Variants in TET2 observed in about 807,000 individuals in gnomAD.
TET2 encodes the protein methylcytosine dioxygenase TET2.
In TET2, 299 loss-of-function variants were observed where a neutral mutation model predicts 142.9. That is an observed-to-expected ratio of 2.09 (90% CI 1.90 to 2.30). TET2 has a LOEUF of 2.30. TET2 is among the 30% of genes most tolerant of loss of function. The pLI, the probability that TET2 is intolerant of heterozygous loss-of-function variation, is 0.00. For missense variants in TET2, 2,418 were observed against 2,378.0 expected, an observed-to-expected ratio of 1.02 and a Z score of -0.35; for synonymous variants, 819 against 849.0, an observed-to-expected ratio of 0.96 and a Z score of 0.61.
chr4:105,193,706 G>A (rs988808149), intron 2 of TET2, among the ~76,000 whole-genome samples: 3 of 152,124 alleles, frequency 2.0e-5, no homozygotes, highest in Admixed American at 6.5e-5. Context: ...GATTAATTAC[G>A]TGTTGGTATT....
chr4:105,191,271 T>A (rs893653315), intron 2 of TET2, among the ~76,000 whole-genome samples: 1 of 152,178 alleles, frequency 6.6e-6, no homozygotes, highest in Non-Finnish European at 1.5e-5. Context: ...TTAATAAAAA[T>A]CAATTTGCTC....
chr4:105,226,151 C>A (rs1209749458), intron 2 of TET2, among the ~76,000 whole-genome samples: 1 of 151,978 alleles, frequency 6.6e-6, no homozygotes, highest in African/African-American at 2.4e-5. Flanking sequence ...ACAAAACTTA[C>A]TCCTTTAATT....
At position 105,229,492 on chromosome 4, in the gene TET2, G is replaced by C. The variant is rs558342255; in HGVS notation, c.-46-4405G>C. On this transcript the variant is annotated intron_variant, in intron 2 of 10. Transcript: ENST00000380013. ...TGCCCAGCTACTTTTTGTATTTTTA[G>C]TAGTGGCGGTGTTTGACCACGTTGG... Among the ~76,000 whole-genome samples, 10 of 152,148 alleles carry C rather than the reference G, an allele frequency of 6.6e-5. No homozygotes were observed. The East Asian group carries it at 1.9e-3, about 29-fold the overall frequency.
At chr4:105,201,428 G>C (rs1726458574) in intron 2 of TET2, among the ~76,000 whole-genome samples, 1 of 152,108 alleles carries the variant, frequency 6.6e-6, no homozygotes, top group Non-Finnish European at 1.5e-5. Context: ...AATACAATAG[G>C]GGGTGCATTT....
chr4:105,166,570 GATT>G (rs1444906071), intron 1 of TET2, among the ~76,000 whole-genome samples: 1 of 149,466 alleles, frequency 6.7e-6, no homozygotes, highest in East Asian at 2.0e-4. Flanking sequence ...CTTTGTATTT[GATT>G]ATTATTTTTC....
chr4:105,160,019 T>G (rs545727359), intron 1 of TET2, among the ~76,000 whole-genome samples: 1 of 151,992 alleles, frequency 6.6e-6, no homozygotes, highest in Non-Finnish European at 1.5e-5. Flanking sequence ...AAAAAAAATC[T>G]TGATATTTGT....
rs755826909 is a variant in TET2, at chr4:105,236,809, T to C, written c.2867T>C (p.Leu956Pro). 1 of 1,614,090 alleles carries C rather than the reference T, an allele frequency of 6.2e-7. No individual in the cohort carries two copies. Among genetic ancestry groups the C allele is most frequent in the East Asian group, 2.2e-5 (1 of 44,876 alleles). The change falls in exon 3 of 11, where the codon CTC becomes CCC. Residue 956 changes from leucine (L) to proline (P), a missense_variant. Coordinates refer to ENST00000380013, the MANE Select transcript of TET2 (RefSeq NM_001127208.3). ...TQKHAALRWH[L>P]LQKQEQQQTQ... ...AAGCATGCTGCTCTAAGGTGGCATCTCTTACAGAAGCAAGAACAGCAGCAA... is the reference window on the plus strand; with the variant it reads ...AAGCATGCTGCTCTAAGGTGGCATCCCTTACAGAAGCAAGAACAGCAGCAA...
At chr4:105,231,463 C>A (rs1164984467) in intron 2 of TET2, among the ~76,000 whole-genome samples, 16 of 152,044 alleles carry the variant, frequency 1.1e-4, no homozygotes, top group Admixed American at 1.0e-3. Context: ...GTATTTTATT[C>A]CAGTAAAACT....
At chr4:105,153,826 G>T (rs1723432247) in intron 1 of TET2, among the ~76,000 whole-genome samples, 2 of 152,194 alleles carry the variant, frequency 1.3e-5, no homozygotes, top group South Asian at 4.1e-4. Context: ...GATTTAAAAT[G>T]CATACAGTTG....
chr4:105,261,769 T>G lies in TET2; in HGVS notation c.3965T>G (p.Leu1322Arg), dbSNP rs551797762. The change falls in exon 8 of 11, where the codon CTG becomes CGG. Residue 1322 changes from leucine to arginine, a missense_variant. Leu to Arg is a moderately radical substitution (Grantham distance 102). Transcript: ENST00000380013. Reference protein sequence around the residue: ...LGDDPKEEEKLESHLQNLSTL... With the variant: ...LGDDPKEEEKRESHLQNLSTL... ...ATTCACTTTATACAGGAAGAGAAACTGGAGTCTCATTTGCAAAACCTGTCC... is the reference window on the plus strand; with the variant it reads ...ATTCACTTTATACAGGAAGAGAAACGGGAGTCTCATTTGCAAAACCTGTCC... 1 of 1,545,060 alleles carries G rather than the reference T, an allele frequency of 6.5e-7. No individual in the cohort carries two copies. The highest frequency in any genetic ancestry group is 8.8e-7 in the Non-Finnish European group (1 of 1,141,920).
chr4:105,179,097 A>G (rs1166634006), intron 1 of TET2, among the ~76,000 whole-genome samples: 1 of 152,238 alleles, frequency 6.6e-6, no homozygotes, highest in Non-Finnish European at 1.5e-5. Flanking sequence ...AACTGCCCCC[A>G]TGATCCAATT....
chr4:105,240,081 G>A (rs1211820892), intron 3 of TET2: 2 of 234,716 alleles, frequency 8.5e-6, no homozygotes, highest in African/African-American at 4.5e-5. Flanking sequence ...CCAAAAATTA[G>A]AATAGTAACA....
intron 5 of TET2, among the ~76,000 whole-genome samples, chr4:105,243,193 T>C (rs1729399189): frequency 2.0e-5 from 3 of 152,238 alleles, no homozygotes; most frequent in African/African-American, 4.8e-5. Flanking sequence ...AATGTGAAGT[T>C]GTCCTTAAAC....
chr4:105,169,444 A>T (rs967542633), intron 1 of TET2, among the ~76,000 whole-genome samples: 2 of 151,694 alleles, frequency 1.3e-5, no homozygotes, highest in African/African-American at 4.8e-5. Context: ...TTTCCTTGCT[A>T]ATTTGTTGGA....
At chr4:105,241,835 C>G in intron 4 of TET2, 5 of 1,247,946 alleles carry the variant, frequency 4.0e-6, no homozygotes, top group Non-Finnish European at 5.1e-6. Context: ...TTAAATTCAC[C>G]TAGTGTTGCA....
rs547423401 is a variant in TET2, at chr4:105,235,838, A to G, written c.1896A>G (p.Gln632=). The change falls in exon 3 of 11, where the codon CAA becomes CAG. Residue 632 remains glutamine, a synonymous_variant. Transcript: ENST00000380013. ...CAACACAGCTGGAGCACAAGTCACA[A>G]ATGTACCAAGTTGAAATGAATCAAG... The part of the protein sequence containing the change: ...QKTTQLEHKS[Q]MYQVEMNQGQ... 4 of 1,614,010 alleles carry G rather than the reference A, an allele frequency of 2.5e-6. No homozygotes were observed. Among genetic ancestry groups the G allele is most frequent in the East Asian group, 2.2e-5 (1 of 44,826 alleles).
chr4:105,263,345 T>A lies in TET2; in HGVS notation c.4044+1497T>A, dbSNP rs551265527. On this transcript the variant is annotated intron_variant, in intron 8 of 10. Coordinates refer to ENST00000380013, the MANE Select transcript of TET2 (RefSeq NM_001127208.3). ...CCAAGTAAGGGAAATATAACTTAAA[T>A]CTATGTAAGATTAGAGAGAGAAGAA... is the stretch of plus-strand genomic sequence containing the variant. Among the ~76,000 whole-genome samples the A allele has an allele frequency of 3.9e-5, 6 of 152,266 alleles. No homozygotes were observed. In the East Asian group the frequency reaches 1.2e-3, roughly 29 times the overall value.
intron 2 of TET2, among the ~76,000 whole-genome samples, chr4:105,225,876 A>G (rs962683162): frequency 2.0e-5 from 3 of 152,186 alleles, no homozygotes; most frequent in African/African-American, 7.2e-5. Context: ...GCAGTCCAGC[A>G]TTGCAAAGAT....
intron 8 of TET2, among the ~76,000 whole-genome samples, chr4:105,262,059 G>A (rs931460106): frequency 5.9e-5 from 9 of 151,970 alleles, no homozygotes; most frequent in Non-Finnish European, 1.0e-4. Context: ...AAAGACATGC[G>A]CTTCTAAAAG....
Sources: gnomAD v4.1 joint callset for allele counts (sites outside exome capture counted in the v4.1 genomes callset) on GRCh38, gnomAD v4.1.1 for gene constraint, MANE v1.5 for transcripts, NCBI Gene and HGNC (gene_info 2026-07-23, HGNC 2026-07-21) for gene names.